UBASH3B: variants seen among roughly 807,000 people sequenced by gnomAD.
The protein encoded by UBASH3B is ubiquitin associated and SH3 domain containing B.
In UBASH3B, 37 loss-of-function variants were observed where a neutral mutation model predicts 83.4. The ratio of observed to expected loss-of-function variants is 0.44; its 90% CI spans 0.34 to 0.58. UBASH3B has a LOEUF of 0.58. Among genes scored for constraint, UBASH3B ranks in the 20% least tolerant of loss-of-function variants. The probability of loss-of-function intolerance (pLI) is 0.01; values close to 1 mark genes in which losing one functional copy is unlikely to be tolerated. For synonymous variants in UBASH3B, 304 were observed against 318.3 expected, an observed-to-expected ratio of 0.96 and a Z score of 0.48; for missense variants, 657 against 827.2, an observed-to-expected ratio of 0.79 and a Z score of 2.52.
intron 1 of UBASH3B, among the ~76,000 whole-genome samples, chr11:122,695,531 T>C (rs1863955320): frequency 6.6e-6 from 1 of 152,262 alleles, no homozygotes; most frequent in African/African-American, 2.4e-5. Context: ...TGAATGCTAA[T>C]AAGTGTCTGA....
intron 6 of UBASH3B, among the ~76,000 whole-genome samples, chr11:122,791,444 C>T (rs547993575): frequency 8.6e-4 from 131 of 152,296 alleles, no homozygotes; most frequent in Non-Finnish European, 1.1e-3. Flanking sequence ...TGGTGTATAG[C>T]GGTGACTATA....
At chr11:122,769,939 G>T (rs895781144) in intron 1 of UBASH3B, among the ~76,000 whole-genome samples, 1 of 152,210 alleles carries the variant, frequency 6.6e-6, no homozygotes, top group Non-Finnish European at 1.5e-5. Context: ...TATCCAGGAG[G>T]TTGAGAACAT....
intron 9 of UBASH3B, 83 bp downstream of exon 9, chr11:122,797,116 T>G (rs575536470): frequency 6.7e-7 from 1 of 1,490,744 alleles, no homozygotes; most frequent in Non-Finnish European, 9.0e-7. Flanking sequence ...GCAAGACACT[T>G]CCTGTGGGTT....
At chr11:122,713,019 TGCCTCA>T (rs1864220205) in intron 1 of UBASH3B, among the ~76,000 whole-genome samples, 1 of 147,558 alleles carries the variant, frequency 6.8e-6, no homozygotes, top group East Asian at 2.2e-4. Flanking sequence ...GCCATTCTCC[TGCCTCA>T]GCCTCCCGAG....
intron 1 of UBASH3B, among the ~76,000 whole-genome samples, chr11:122,695,878 G>A (rs917575151): frequency 2.0e-5 from 3 of 152,198 alleles, no homozygotes; most frequent in East Asian, 1.9e-4. Context: ...GAACTGTTGG[G>A]AAGTTACTAA....
intron 1 of UBASH3B, among the ~76,000 whole-genome samples, chr11:122,764,311 G>T (rs1360742053): frequency 6.6e-6 from 1 of 152,058 alleles, no homozygotes; most frequent in Non-Finnish European, 1.5e-5. Flanking sequence ...TGTTTCTGAG[G>T]ACCTCAAAAC....
rs547605343 is a variant in UBASH3B, at chr11:122,711,576, C to G, written c.161+55366C>G. On this transcript the variant is annotated intron_variant, in intron 1 of 13. Transcript: ENST00000284273. ...ACATGTGCCGGGAGTGCGTGTATGC[C>G]TCTAAGTCTCCTGAGCATGCCCCCG... Among the ~76,000 whole-genome samples, 144 of 152,342 alleles carry G rather than the reference C, an allele frequency of 9.5e-4. 1 individual carries two copies. Among genetic ancestry groups the G allele is most frequent in the African/African-American group, 3.2e-3 (133 of 41,584 alleles).
chr11:122,782,920 GA>G (rs1264734178), intron 4 of UBASH3B, 132 bp from the exon 5 acceptor site: 1 of 1,099,710 alleles, frequency 9.1e-7, no homozygotes, highest in Non-Finnish European at 1.3e-6. Flanking sequence ...GTGAAGGAGA[GA>G]AACGTCTTTT....
rs1861409725 is a variant in UBASH3B at position 122,809,892 on chromosome 11, A to G, written c.*6A>G. 1 of 1,612,028 alleles carries G rather than the reference A, an allele frequency of 6.2e-7. No individual in the cohort carries two copies. Among genetic ancestry groups the G allele is most frequent in the Non-Finnish European group, 8.5e-7 (1 of 1,179,526 alleles). On this transcript the variant is annotated 3_prime_UTR_variant, in exon 14 of 14. Transcript: ENST00000284273. ...AGACCTTGCTTCAAGAATAAACCAC[A>G]CCAGTGAACAAGAAGGAAAGGCCTT...
rs553614022 is a variant in UBASH3B at position 122,796,765 on chromosome 11, C to G, written c.1235-146C>G. 13 of 1,046,380 alleles carry G rather than the reference C, an allele frequency of 1.2e-5. No individual in the cohort carries two copies. In the East Asian group the frequency reaches 2.1e-4, roughly 17 times the overall value. The allele number at this position is 1,046,380 out of a possible 1,614,324, so 64.8% of individuals were successfully genotyped here. ...GTCACTTTATGAAACAAAATGTCAGCCTTGATATTTTCTATCAGCTCCAGA... is the reference window on the plus strand; with the variant it reads ...GTCACTTTATGAAACAAAATGTCAGGCTTGATATTTTCTATCAGCTCCAGA... On this transcript the variant is annotated intron_variant, in intron 8 of 13. Coordinates refer to ENST00000284273, the MANE Select transcript of UBASH3B (RefSeq NM_032873.5).
At chr11:122,657,037 T>G (rs1236014105) in intron 1 of UBASH3B, among the ~76,000 whole-genome samples, 1 of 152,124 alleles carries the variant, frequency 6.6e-6, no homozygotes, top group Non-Finnish European at 1.5e-5. Flanking sequence ...TCGGCTCAAG[T>G]CTCAGGGGCT....
chr11:122,741,000 C>G (rs1861014431), intron 1 of UBASH3B, among the ~76,000 whole-genome samples: 1 of 152,192 alleles, frequency 6.6e-6, no homozygotes, highest in African/African-American at 2.4e-5. Context: ...TTGATTCCTT[C>G]TTACTTCAAA....
At chr11:122,664,762 G>A (rs118069235) in intron 1 of UBASH3B, among the ~76,000 whole-genome samples, 2,886 of 152,332 alleles carry the variant, frequency 0.019, 59 homozygotes, top group Non-Finnish European at 0.024. Flanking sequence ...GAAACTGTCT[G>A]AGCTCTTACT....
intron 1 of UBASH3B, among the ~76,000 whole-genome samples, chr11:122,753,356 C>A (rs989122990): frequency 6.6e-6 from 1 of 151,640 alleles, no homozygotes; most frequent in Non-Finnish European, 1.5e-5. Context: ...CAGGCTGAGG[C>A]AGGAGAATGG....
intron 1 of UBASH3B, among the ~76,000 whole-genome samples, chr11:122,683,953 G>A (rs548308951): frequency 6.6e-6 from 1 of 152,236 alleles, no homozygotes; most frequent in Admixed American, 6.5e-5. Flanking sequence ...CTGGATGGCA[G>A]GGAACATCTA....
chr11:122,743,757 C>T (rs925239341), intron 1 of UBASH3B, among the ~76,000 whole-genome samples: 2 of 152,076 alleles, frequency 1.3e-5, no homozygotes, highest in Non-Finnish European at 2.9e-5. Flanking sequence ...TGCAAAGGAG[C>T]GTGATGGAGT....
At chr11:122,669,050 T>C (rs1351464759) in intron 1 of UBASH3B, among the ~76,000 whole-genome samples, 1 of 152,188 alleles carries the variant, frequency 6.6e-6, no homozygotes, top group Non-Finnish European at 1.5e-5. Context: ...GTGGCTTTTG[T>C]GAAATACAAG....
chr11:122,750,172 C>T (rs1207216232), intron 1 of UBASH3B, among the ~76,000 whole-genome samples: 1 of 152,232 alleles, frequency 6.6e-6, no homozygotes, highest in Admixed American at 6.5e-5. Flanking sequence ...CTGAGTGCAA[C>T]ACCTGTTCCT....
Position 122,656,039 on chromosome 11 carries a change from G to T in UBASH3B, c.-11G>T, listed in dbSNP as rs1863355025. On this transcript the variant is annotated 5_prime_UTR_variant, in exon 1 of 14. Coordinates refer to ENST00000284273, the MANE Select transcript of UBASH3B (RefSeq NM_032873.5). ...CGGGCTCCTTCCCTGGCGATGGCTG[G>T]CCGCTGAGCCATGGCTCAGTACGGC... The T allele has an allele frequency of 1.3e-6, 2 of 1,569,994 alleles. No individual in the cohort carries two copies. Among genetic ancestry groups the T allele is most frequent in the Non-Finnish European group, 1.7e-6 (2 of 1,159,348 alleles).
Sources: allele counts gnomAD v4.1 joint callset (sites outside exome capture counted in the v4.1 genomes callset), GRCh38; gene constraint gnomAD v4.1.1; transcripts MANE v1.5; gene names NCBI Gene and HGNC (gene_info 2026-07-23, HGNC 2026-07-21).